The following KCND2 variants were observed in gnomAD, a reference collection of about 807,000 sequenced individuals.
KCND2 encodes potassium voltage-gated channel subfamily D member 2, also known as A-type voltage-gated potassium channel KCND2.
In KCND2, 16 loss-of-function variants were observed where a neutral mutation model predicts 54.4. The ratio of observed to expected loss-of-function variants is 0.29; its 90% CI spans 0.20 to 0.45. The LOEUF (loss-of-function observed/expected upper bound fraction) is 0.45. Ranked by LOEUF, KCND2 falls within the 20% of genes least tolerant of loss-of-function variation. The pLI, the probability that KCND2 is intolerant of heterozygous loss-of-function variation, is 1.00. For synonymous variants in KCND2, 317 were observed against 310.7 expected, an observed-to-expected ratio of 1.02 and a Z score of -0.21; for missense variants, 486 against 824.2, an observed-to-expected ratio of 0.59 and a Z score of 5.02.
chr7:120,423,037 C>T (rs1016359332), intron 1 of KCND2, among the ~76,000 whole-genome samples: 1 of 152,218 alleles, frequency 6.6e-6, no homozygotes, highest in African/African-American at 2.4e-5. Context: ...CTTCTCTCAG[C>T]AGCTCATGAT....
intron 1 of KCND2, among the ~76,000 whole-genome samples, chr7:120,666,353 A>T (rs1041722549): frequency 7.2e-5 from 11 of 152,034 alleles, no homozygotes; most frequent in African/African-American, 2.4e-4. Context: ...GTGATTGGCC[A>T]GTTTTGAATA....
chr7:120,588,858 A>G (rs573350193), intron 1 of KCND2, among the ~76,000 whole-genome samples: 1 of 152,342 alleles, frequency 6.6e-6, no homozygotes, highest in South Asian at 2.1e-4. Context: ...ATAATTGTCC[A>G]CCTGCCCATC....
At chr7:120,363,837 TCTC>T (rs1444296962) in intron 1 of KCND2, among the ~76,000 whole-genome samples, 3 of 152,106 alleles carry the variant, frequency 2.0e-5, no homozygotes, top group Non-Finnish European at 4.4e-5. Flanking sequence ...CTCTGATAGA[TCTC>T]CTCCAGCTGT....
In KCND2 at chr7:120,275,399, G is replaced by A. The variant is rs374770859; in HGVS notation, c.767G>A (p.Arg256His). Residue 256 changes from arginine (R) to histidine (H), a missense_variant, in exon 1 of 6, where the codon CGT (arginine) becomes CAT (histidine). Coordinates refer to ENST00000331113, the MANE Select transcript of KCND2 (RefSeq NM_012281.3). ...CTGGCTGCAGCGCCTAGTCGTTACC[G>A]TTTTGTGCGTAGTGTCATGAGTATC... is the stretch of plus-strand genomic sequence containing the variant. ...LRLAAAPSRYRFVRSVMSIID... is the reference protein window; with the variant it reads ...LRLAAAPSRYHFVRSVMSIID... The A allele has an allele frequency of 6.2e-7, 1 of 1,613,724 alleles. No individual in the cohort carries two copies. Among genetic ancestry groups the A allele is most frequent in the Admixed American group, 1.7e-5 (1 of 59,990 alleles).
intron 1 of KCND2, among the ~76,000 whole-genome samples, chr7:120,415,126 C>T (rs1801507164): frequency 6.6e-6 from 1 of 152,186 alleles, no homozygotes; most frequent in African/African-American, 2.4e-5. Flanking sequence ...TATTTGTTAG[C>T]TTTGACAGGA....
chr7:120,316,195 T>G (rs1799809346), intron 1 of KCND2, among the ~76,000 whole-genome samples: 1 of 152,196 alleles, frequency 6.6e-6, no homozygotes, highest in South Asian at 2.1e-4. Context: ...GCCTTAACAT[T>G]TCTGTCAAGA....
rs201246613 is a variant in KCND2, at chr7:120,584,814, C to CA, written c.1116-148081dup. The stretch of plus-strand genomic sequence containing the variant: ...GTGAAAGATGCAATATTAGTTAAAG[C>CA]AAAAAAAATCATAAAATATGCAATT... On this transcript the variant is annotated intron_variant, in intron 1 of 5. Coordinates refer to ENST00000331113, the MANE Select transcript of KCND2 (RefSeq NM_012281.3). Among the ~76,000 whole-genome samples the CA allele has an allele frequency of 5.1e-3, 765 of 150,990 alleles. 8 individuals are homozygous for CA. The highest frequency in any genetic ancestry group is 0.017 in the African/African-American group (713 of 41,180).
Position 120,387,685 on chromosome 7 carries a change from G to C in KCND2, c.1115+111938G>C, listed in dbSNP as rs150131430. On this transcript the variant is annotated intron_variant, in intron 1 of 5. Transcript: ENST00000331113. ...GGAAAATGTGATTTGCAGAATGTTG[G>C]ACTAAATGGCTATCCTCTCTTAACT... 1.1e-3 allele frequency among the ~76,000 whole-genome samples: 166 copies of C among 152,086 alleles called. 1 individual carries two copies. The highest frequency in any genetic ancestry group is 3.7e-3 in the African/African-American group (152 of 41,548).
intron 1 of KCND2, among the ~76,000 whole-genome samples, chr7:120,673,695 T>C (rs553134928): frequency 1.0e-3 from 152 of 152,254 alleles, no homozygotes; most frequent in African/African-American, 3.4e-3. Flanking sequence ...TTTGCTATAA[T>C]TTTTTCAGTG....
At chr7:120,383,212 C>T (rs1800937684) in intron 1 of KCND2, among the ~76,000 whole-genome samples, 1 of 151,954 alleles carries the variant, frequency 6.6e-6, no homozygotes, top group South Asian at 2.1e-4. Flanking sequence ...TACTACCTTT[C>T]CTCTTTCTTT....
At chr7:120,644,327 G>T (rs573369107) in intron 1 of KCND2, among the ~76,000 whole-genome samples, 3 of 152,074 alleles carry the variant, frequency 2.0e-5, no homozygotes. Flanking sequence ...TTTCCGAGGC[G>T]CAGAAATATC....
chr7:120,281,374 C>A (rs1451038299), intron 1 of KCND2, among the ~76,000 whole-genome samples: 1 of 151,450 alleles, frequency 6.6e-6, no homozygotes, highest in Non-Finnish European at 1.5e-5. Flanking sequence ...AAGCATTGCT[C>A]TCCCACTAGC....
chr7:120,464,290 C>T (rs533897801), intron 1 of KCND2, among the ~76,000 whole-genome samples: 53 of 151,392 alleles, frequency 3.5e-4, no homozygotes, highest in African/African-American at 1.1e-3. Context: ...ATTAATGTCA[C>T]GTGATTTTAA....
intron 1 of KCND2, among the ~76,000 whole-genome samples, chr7:120,396,618 C>T (rs1443852302): frequency 1.3e-5 from 2 of 151,828 alleles, no homozygotes; most frequent in Non-Finnish European, 2.9e-5. Flanking sequence ...GGACTTAGAG[C>T]CATTTCAGTT....
At chr7:120,322,196 A>T (rs1191257431) in intron 1 of KCND2, among the ~76,000 whole-genome samples, 1 of 152,106 alleles carries the variant, frequency 6.6e-6, no homozygotes, top group Non-Finnish European at 1.5e-5. Flanking sequence ...GCATAATTAA[A>T]ATCAATGGAG....
At chr7:120,350,065 A>AT (rs1318501883) in intron 1 of KCND2, among the ~76,000 whole-genome samples, 2 of 152,026 alleles carry the variant, frequency 1.3e-5, no homozygotes, top group Non-Finnish European at 2.9e-5. Flanking sequence ...TGTTTTACAG[A>AT]TTTTTCAGAC....
At chr7:120,450,961 G>A (rs561879081) in intron 1 of KCND2, among the ~76,000 whole-genome samples, 9 of 152,140 alleles carry the variant, frequency 5.9e-5, no homozygotes, top group Admixed American at 4.6e-4. Context: ...ATTTCTTTGC[G>A]CCAAAAATAA....
intron 1 of KCND2, among the ~76,000 whole-genome samples, chr7:120,312,158 C>T (rs775920831): frequency 1.3e-5 from 2 of 152,248 alleles, no homozygotes; most frequent in African/African-American, 2.4e-5. Context: ...CTGCCCACTT[C>T]GGCCTCCCAA....
At chr7:120,476,269 G>A (rs575355173) in intron 1 of KCND2, among the ~76,000 whole-genome samples, 8 of 152,230 alleles carry the variant, frequency 5.3e-5, no homozygotes, top group African/African-American at 1.7e-4. Flanking sequence ...TCTATTTGAT[G>A]GGCTGGTTAT....
Sources: allele counts gnomAD v4.1 joint callset (sites outside exome capture counted in the v4.1 genomes callset), GRCh38; gene constraint gnomAD v4.1.1; transcripts MANE v1.5; gene names NCBI Gene and HGNC (gene_info 2026-07-23, HGNC 2026-07-21).